PVT1: variants seen among roughly 807,000 people sequenced by gnomAD.
The protein encoded by PVT1 is CXCR4/PVT1 fusion.
At chr8:127,950,279 G>A (rs1816489918) in intron 3 of PVT1, among the ~76,000 whole-genome samples, 1 of 152,238 alleles carries the variant, frequency 6.6e-6, no homozygotes, top group African/African-American at 2.4e-5. Flanking sequence ...ATAGCCCCGT[G>A]GCGGCATGCT....
chr8:128,050,959 C>G (rs1365438288), intron 4 of PVT1, among the ~76,000 whole-genome samples: 1 of 152,192 alleles, frequency 6.6e-6, no homozygotes, highest in African/African-American at 2.4e-5. Flanking sequence ...CAAGAGTGGA[C>G]CTCATCTCTT....
chr8:127,938,346 T>G (rs1458514153), intron 3 of PVT1, among the ~76,000 whole-genome samples: 3 of 152,062 alleles, frequency 2.0e-5, no homozygotes, highest in Non-Finnish European at 2.9e-5. Context: ...AGACCCCAAA[T>G]CACAGTGTGT....
intron 2 of PVT1, among the ~76,000 whole-genome samples, chr8:127,828,054 A>G (rs1814810768): frequency 6.6e-6 from 1 of 152,134 alleles, no homozygotes. Context: ...AAATGAAAAT[A>G]GCTTTATTGA....
intron 2 of PVT1, among the ~76,000 whole-genome samples, chr8:127,876,033 C>G (rs149781702): frequency 1.3e-5 from 2 of 152,242 alleles, no homozygotes; most frequent in African/African-American, 4.8e-5. Flanking sequence ...CCTCCACCCC[C>G]CCTCACCCTC....
At chr8:128,041,325 G>A (rs1027171649) in intron 4 of PVT1, among the ~76,000 whole-genome samples, 2 of 148,440 alleles carry the variant, frequency 1.3e-5, no homozygotes, top group African/African-American at 2.5e-5. Context: ...GCATGTGTGT[G>A]CATCTGTGTT....
At chr8:128,084,438 C>T (rs530444297) in intron 5 of PVT1, among the ~76,000 whole-genome samples, 1 of 152,200 alleles carries the variant, frequency 6.6e-6, no homozygotes, top group East Asian at 1.9e-4. Context: ...TTTCTGACCA[C>T]TCCCTCTAAA....
At chr8:128,027,525 G>A (rs1813323221) in intron 4 of PVT1, among the ~76,000 whole-genome samples, 1 of 147,876 alleles carries the variant, frequency 6.8e-6, no homozygotes, top group Non-Finnish European at 1.5e-5. Context: ...TGAGGCTCAG[G>A]GGATGAAGCC....
chr8:127,982,458 C>T (rs769741855), intron 3 of PVT1, among the ~76,000 whole-genome samples: 1 of 152,094 alleles, frequency 6.6e-6, no homozygotes, highest in Non-Finnish European at 1.5e-5. Flanking sequence ...CTCATGACTT[C>T]GCACTCATGG....
chr8:127,837,252 C>T (rs549887079), intron 2 of PVT1, among the ~76,000 whole-genome samples: 98 of 152,286 alleles, frequency 6.4e-4, no homozygotes, highest in Non-Finnish European at 1.2e-3. Flanking sequence ...GCCATGGGCT[C>T]GCCTTCCATC....
At chr8:128,017,951 G>A (rs369185185) in intron 4 of PVT1, among the ~76,000 whole-genome samples, 53 of 152,230 alleles carry the variant, frequency 3.5e-4, no homozygotes, top group African/African-American at 1.2e-3. Context: ...ACCCTCCTGC[G>A]CCCTGGGAGT....
At chr8:127,941,387 T>C (rs1172322243) in intron 3 of PVT1, among the ~76,000 whole-genome samples, 2 of 151,874 alleles carry the variant, frequency 1.3e-5, no homozygotes, top group Non-Finnish European at 1.5e-5. Context: ...AATTCCGACA[T>C]GGGCATCTCT....
intron 4 of PVT1, among the ~76,000 whole-genome samples, chr8:128,059,917 T>C (rs1056242205): frequency 1.3e-5 from 2 of 152,068 alleles, no homozygotes; most frequent in Non-Finnish European, 1.5e-5. Context: ...AGGTGAGGGA[T>C]TGTGAGGCAG....
intron 3 of PVT1, among the ~76,000 whole-genome samples, chr8:127,934,354 G>T (rs1056037928): frequency 3.3e-5 from 5 of 152,250 alleles, no homozygotes; most frequent in African/African-American, 1.2e-4. Flanking sequence ...CAAGCCACCA[G>T]TCTGGTGGTG....
chr8:127,863,304 G>T (rs1305464356), intron 2 of PVT1, among the ~76,000 whole-genome samples: 6 of 151,960 alleles, frequency 3.9e-5, no homozygotes, highest in African/African-American at 1.2e-4. Context: ...TAGAGATGGG[G>T]TTTCACTATG....
intron 4 of PVT1, among the ~76,000 whole-genome samples, chr8:127,997,402 G>A (rs995565192): frequency 2.6e-4 from 40 of 152,174 alleles, no homozygotes; most frequent in African/African-American, 1.4e-4. Flanking sequence ...CTGGATGGCC[G>A]CCATAGTCCC....
At chr8:127,974,912 T>C (rs1333824018) in intron 3 of PVT1, among the ~76,000 whole-genome samples, 1 of 152,190 alleles carries the variant, frequency 6.6e-6, no homozygotes, top group Non-Finnish European at 1.5e-5. Flanking sequence ...TTTTTTTTAA[T>C]CCTAAAGCGG....
intron 3 of PVT1, among the ~76,000 whole-genome samples, chr8:127,962,044 G>A (rs1028545666): frequency 3.3e-5 from 5 of 152,196 alleles, no homozygotes; most frequent in Non-Finnish European, 7.3e-5. Flanking sequence ...GCGCGATCTC[G>A]CCTCACTGCA....
At chr8:127,817,256 G>A (rs1411264488) in intron 2 of PVT1, among the ~76,000 whole-genome samples, 1 of 151,516 alleles carries the variant, frequency 6.6e-6, no homozygotes, top group African/African-American at 2.4e-5. Context: ...ACACAGACCT[G>A]CTGGGCCTTT....
chr8:128,042,082 A>G (rs541005832), intron 4 of PVT1, among the ~76,000 whole-genome samples: 2 of 152,314 alleles, frequency 1.3e-5, no homozygotes, highest in South Asian at 4.1e-4. Context: ...CCCGTTTATT[A>G]AAGCATGTGA....
Sources: allele counts gnomAD v4.1 joint callset (sites outside exome capture counted in the v4.1 genomes callset), GRCh38; gene constraint gnomAD v4.1.1; transcripts MANE v1.5; gene names NCBI Gene and HGNC (gene_info 2026-07-23, HGNC 2026-07-21).